PIGK: variants seen among roughly 807,000 people sequenced by gnomAD.
PIGK encodes GPI-anchor transamidase.
PIGK carries 42 observed loss-of-function variants against 50.6 expected under a neutral mutation model. The observed-to-expected ratio is 0.83, with a 90% CI of 0.65 to 1.07. The LOEUF (loss-of-function observed/expected upper bound fraction) is 1.07, where lower values mean the gene tolerates loss of function less well. PIGK is among the 50% of genes least tolerant of loss of function. The pLI, the probability that PIGK is intolerant of heterozygous loss-of-function variation, is 0.00. For missense variants in PIGK, 448 were observed against 488.7 expected, an observed-to-expected ratio of 0.92 and a Z score of 0.78; for synonymous variants, 151 against 156.0, an observed-to-expected ratio of 0.97 and a Z score of 0.24.
At chr1:77,164,679 AG>A (rs1655198150) in intron 5 of PIGK, among the ~76,000 whole-genome samples, 1 of 152,008 alleles carries the variant, frequency 6.6e-6, no homozygotes, top group African/African-American at 2.4e-5. Context: ...ACCCTGTGGT[AG>A]GGCAGATCGC....
chr1:77,213,373 A>G (rs839806), intron 1 of PIGK, among the ~76,000 whole-genome samples: 4,821 of 152,326 alleles, frequency 0.032, 256 homozygotes, highest in African/African-American at 0.11. Context: ...ATCTCTTCTG[A>G]CTACAATAGA....
At chr1:77,105,666 G>C (rs965664531) in intron 10 of PIGK, among the ~76,000 whole-genome samples, 4 of 151,998 alleles carry the variant, frequency 2.6e-5, no homozygotes, top group African/African-American at 9.7e-5. Context: ...TACAGAGCAG[G>C]GTTCAGTAAA....
chr1:77,131,705 TA>T (rs2100535819), intron 9 of PIGK, among the ~76,000 whole-genome samples: 1 of 152,240 alleles, frequency 6.6e-6, no homozygotes, highest in South Asian at 2.1e-4. Context: ...TGAAATACAC[TA>T]GTATATTTTC....
chr1:77,134,674 A>C (rs1349017039), intron 9 of PIGK, among the ~76,000 whole-genome samples: 1 of 150,688 alleles, frequency 6.6e-6, no homozygotes, highest in Non-Finnish European at 1.5e-5. Context: ...AGATTTTTAG[A>C]TTCTCAGTCC....
At chr1:77,096,183 C>T (rs959956616) in intron 10 of PIGK, among the ~76,000 whole-genome samples, 2 of 152,132 alleles carry the variant, frequency 1.3e-5, no homozygotes, top group African/African-American at 2.4e-5. Flanking sequence ...AGCTGGATGA[C>T]ATAATTTTGT....
intron 3 of PIGK, among the ~76,000 whole-genome samples, chr1:77,172,753 C>G (rs1186580340): frequency 6.6e-6 from 1 of 151,954 alleles, no homozygotes; most frequent in Non-Finnish European, 1.5e-5. Flanking sequence ...GAAACCCCGT[C>G]TCTACAAAAA....
rs944533827 is a variant in PIGK at position 77,183,401 on chromosome 1, C to G, written c.240-14006G>C. 5.9e-5 allele frequency among the ~76,000 whole-genome samples: 9 copies of G among 152,252 alleles called. No individual in the cohort carries two copies. The Middle Eastern group carries it at 0.017, about 288-fold the overall frequency. On this transcript the variant is annotated intron_variant, in intron 3 of 10. Transcript: ENST00000370812. ...TGCCTGAGGCAACAGTAACGGCCTCCCCTGAGGCAGTTGTTAGGCAAAATA... is the reference window on the plus strand; with the variant it reads ...TGCCTGAGGCAACAGTAACGGCCTCGCCTGAGGCAGTTGTTAGGCAAAATA...
At chr1:77,152,971 TAAAAATA>T (rs1169445804) in intron 9 of PIGK, among the ~76,000 whole-genome samples, 1 of 151,994 alleles carries the variant, frequency 6.6e-6, no homozygotes, top group Non-Finnish European at 1.5e-5. Context: ...CTCAAAAAAT[TAAAAATA>T]AAACTACCAT....
At chr1:77,140,258 T>C (rs1232397925) in intron 9 of PIGK, among the ~76,000 whole-genome samples, 2 of 151,822 alleles carry the variant, frequency 1.3e-5, no homozygotes, top group Non-Finnish European at 2.9e-5. Flanking sequence ...CACTCACTCT[T>C]TCTCTCTTGC....
At position 77,169,206 on chromosome 1, in the gene PIGK, G is replaced by A. The variant is rs17100014; in HGVS notation, c.375+54C>T. The A allele has an allele frequency of 9.0e-3, 10,521 of 1,165,624 alleles. 506 individuals are homozygous for A. The African/African-American group carries it at 0.12, about 13-fold the overall frequency. 72.2% of individuals were successfully genotyped at this position (1,165,624 alleles called of 1,614,324 possible). The stretch of plus-strand genomic sequence containing the variant: ...ACAATTTTATTCTGCCATTGTTTTA[G>A]AGCCTAAAAGTAACAATGCCATTTT... On this transcript the variant is annotated intron_variant, in intron 4 of 10. Transcript: ENST00000370812.
rs1656294908 is a variant in PIGK at position 77,206,714 on chromosome 1, G to C, written c.165C>G (p.Phe55Leu). The change falls in exon 3 of 11, where the codon TTC (phenylalanine) becomes TTG (leucine). Residue 55 changes from phenylalanine to leucine, a missense_variant. Physicochemically the swap from Phe to Leu is conservative, Grantham distance 22. Transcript: ENST00000370812. Reference protein sequence around the residue: ...NWAVLVCTSRFWFNYRHVANT... With the variant: ...NWAVLVCTSRLWFNYRHVANT... The stretch of plus-strand genomic sequence containing the variant: ...TTGCAACATGTCGATAATTAAACCA[G>C]AATCGGGATGTACACACCTGAAGTA... 1 of 1,608,444 alleles carries C rather than the reference G, an allele frequency of 6.2e-7. No homozygotes were observed. The highest frequency in any genetic ancestry group is 1.7e-5 in the Admixed American group (1 of 59,986).
intron 10 of PIGK, among the ~76,000 whole-genome samples, chr1:77,116,598 G>A (rs905103241): frequency 6.8e-5 from 4 of 59,112 alleles, no homozygotes; most frequent in Non-Finnish European, 1.1e-4. Flanking sequence ...GTGTGTGTGC[G>A]CGTGTGTGTG....
intron 3 of PIGK, among the ~76,000 whole-genome samples, chr1:77,190,004 G>A (rs1408014666): frequency 1.3e-5 from 2 of 151,786 alleles, no homozygotes; most frequent in Admixed American, 6.6e-5. Context: ...AGCAAGTAGT[G>A]GCGTTTGAAT....
chr1:77,169,466 T>A, intron 3 of PIGK, 71 bp from the exon 4 acceptor site: 2 of 1,232,084 alleles, frequency 1.6e-6, no homozygotes, highest in Non-Finnish European at 1.1e-6. Context: ...TTTATTTATA[T>A]CATGTAGCTA....
rs186787952 is a variant in PIGK, at chr1:77,199,620, T to C, written c.239+7020A>G. Among the ~76,000 whole-genome samples the C allele has an allele frequency of 3.3e-5, 5 of 152,066 alleles. No homozygotes were observed. In the East Asian group the frequency reaches 5.8e-4, roughly 18 times the overall value. The stretch of plus-strand genomic sequence containing the variant: ...AAATGTAAAATACATTTAGAAATTT[T>C]AATAAATGAATTGTAATGGCATAAA... On this transcript the variant is annotated intron_variant, in intron 3 of 10. Transcript: ENST00000370812.
intron 8 of PIGK, among the ~76,000 whole-genome samples, chr1:77,155,051 T>C (rs938726461): frequency 2.4e-4 from 36 of 152,310 alleles, no homozygotes; most frequent in African/African-American, 8.7e-4. Context: ...CAAATTCAAA[T>C]AAAGTAGTAC....
intron 8 of PIGK, among the ~76,000 whole-genome samples, chr1:77,155,566 G>T (rs1201225455): frequency 2.0e-5 from 3 of 151,256 alleles, no homozygotes; most frequent in African/African-American, 7.3e-5. Flanking sequence ...ATAGTTTGAG[G>T]ATGGGGAAAA....
chr1:77,150,506 A>G (rs1206017239), intron 9 of PIGK, among the ~76,000 whole-genome samples: 2 of 151,626 alleles, frequency 1.3e-5, no homozygotes, highest in African/African-American at 4.8e-5. Flanking sequence ...AAAAAAAAGA[A>G]AGAAAGAAAG....
chr1:77,194,062 G>A (rs1655973812), intron 3 of PIGK, among the ~76,000 whole-genome samples: 2 of 131,524 alleles, frequency 1.5e-5, no homozygotes, highest in Non-Finnish European at 3.6e-5. Flanking sequence ...AAGACAAACA[G>A]CCAACAAACA....
Sources: allele counts gnomAD v4.1 joint callset (sites outside exome capture counted in the v4.1 genomes callset), GRCh38; gene constraint gnomAD v4.1.1; transcripts MANE v1.5; gene names NCBI Gene and HGNC (gene_info 2026-07-23, HGNC 2026-07-21).